JTB: variants seen among roughly 807,000 people sequenced by gnomAD.
The protein encoded by JTB is jumping translocation breakpoint, also known as protein JTB.
A neutral mutation model predicts 22.1 loss-of-function variants in JTB; 10 were observed. The observed-to-expected ratio is 0.45, with a 90% CI of 0.28 to 0.77. JTB has a LOEUF of 0.77. JTB is among the 30% of genes least tolerant of loss of function. JTB has a pLI of 0.13. For missense variants in JTB, 137 were observed against 180.3 expected (o/e 0.76, Z 1.38); for synonymous variants, 83 against 66.8 (o/e 1.24, Z -1.18).
chr1:153,976,553 T>A, intron 3 of JTB, 140 bp downstream of exon 3: 1 of 703,320 alleles, frequency 1.4e-6, no homozygotes, highest in Non-Finnish European at 2.4e-6. Flanking sequence ...CAAGTACAGA[T>A]TTGGACATAC....
chr1:153,977,320 G>A lies in JTB; in HGVS notation c.-68C>T, dbSNP rs1648826211. On this transcript the variant is annotated 5_prime_UTR_variant, in exon 1 of 5. Transcript: ENST00000271843. ...CCACAGGCCTCGTGCCTCCGTCGGA[G>A]CGCAGAGGCGGCACTTACTCTGCAG... The A allele has an allele frequency of 1.3e-6, 2 of 1,584,336 alleles. No individual in the cohort carries two copies. The highest frequency in any genetic ancestry group is 2.7e-5 in the African/African-American group (2 of 74,082).
chr1:153,975,571 C>G (rs1223144995), intron 4 of JTB, among the ~76,000 whole-genome samples: 1 of 151,900 alleles, frequency 6.6e-6, no homozygotes, highest in East Asian at 1.9e-4. Flanking sequence ...TTATGGGCAC[C>G]CACCACACCA....
intron 4 of JTB, among the ~76,000 whole-genome samples, chr1:153,975,354 C>T (rs539706719): frequency 1.3e-5 from 2 of 151,324 alleles, no homozygotes; most frequent in Admixed American, 6.6e-5. Flanking sequence ...CTCCTAACCT[C>T]GTGATCCACC....
At position 153,974,757 on chromosome 1, in the gene JTB, A is replaced by G. The variant is rs1454070775; in HGVS notation, c.363T>C (p.Ala121=). The G allele has an allele frequency of 6.2e-7, 1 of 1,613,822 alleles. No individual in the cohort carries two copies. The highest frequency in any genetic ancestry group is 8.5e-7 in the Non-Finnish European group (1 of 1,179,826). The change falls in exon 5 of 5, where the codon GCT becomes GCC. Residue 121 remains alanine (A), a synonymous_variant. Transcript: ENST00000271843. ...GTCGCTGACGAATGATGACAAGACA[A>G]GCGAAGATCAGGGCCACACACACGA... The part of the protein sequence containing the change: ...GAVVCVALIF[A]CLVIIRQRQL...
chr1:153,975,270 G>A (rs781391346), intron 4 of JTB, among the ~76,000 whole-genome samples: 10 of 150,482 alleles, frequency 6.6e-5, no homozygotes, highest in Admixed American at 6.6e-5. Flanking sequence ...ACAGGTGCCC[G>A]CCATCATGCC....
chr1:153,976,579 A>T (rs1481993914), intron 3 of JTB, 114 bp downstream of exon 3: 2 of 872,192 alleles, frequency 2.3e-6, no homozygotes, highest in Non-Finnish European at 3.7e-6. Flanking sequence ...GACTGCAAGA[A>T]GAAAGAAAAA....
intron 3 of JTB, among the ~76,000 whole-genome samples, chr1:153,976,195 G>A (rs867361126): frequency 3.3e-5 from 5 of 152,238 alleles, no homozygotes; most frequent in African/African-American, 4.8e-5. Context: ...CGGGTGTGGC[G>A]GCTCACGCCT....
chr1:153,976,400 G>C (rs925366608), intron 3 of JTB, among the ~76,000 whole-genome samples: 1 of 152,188 alleles, frequency 6.6e-6, no homozygotes, highest in Non-Finnish European at 1.5e-5. Flanking sequence ...GGCGGAGGTT[G>C]TGGTGAGCCG....
Position 153,977,283 on chromosome 1 carries a change from G to A in JTB, c.-31C>T. ...GCCAAGTGTCGCACCTGTCGGAACA[G>A]AGGGACCTACTCCACAGGCCTCGTG... On this transcript the variant is annotated 5_prime_UTR_variant, in exon 1 of 5. Transcript: ENST00000271843. 6.2e-7 allele frequency: 1 copy of A among 1,612,314 alleles called. No homozygotes were observed. The highest frequency in any genetic ancestry group is 8.5e-7 in the Non-Finnish European group (1 of 1,179,356).
At position 153,974,792 on chromosome 1, in the gene JTB, C is replaced by T. The variant is rs747839326; in HGVS notation, c.328G>A (p.Glu110Lys). The T allele has an allele frequency of 3.1e-6, 5 of 1,611,856 alleles. No individual in the cohort carries two copies. Among genetic ancestry groups the T allele is most frequent in the Non-Finnish European group, 4.2e-6 (5 of 1,178,162 alleles). ...AGGGCCACACACACGACAGCCCCTT[C>T]GAACTTCCAAAATAAGCGTTGTTCC... is the stretch of plus-strand genomic sequence containing the variant. ...LMEQRLFWKF[E>K]GAVVCVALIF... Residue 110 changes from glutamate (E) to lysine (K), a missense_variant, in exon 5 of 5, where the codon GAA (glutamate) becomes AAA (lysine). Coordinates refer to ENST00000271843, the MANE Select transcript of JTB (RefSeq NM_006694.4).
In JTB at chr1:153,977,401, G is replaced by C. The variant is rs1049451225; in HGVS notation, c.-149C>G. 23 of 1,432,964 alleles carry C rather than the reference G, an allele frequency of 1.6e-5. No individual in the cohort carries two copies. The highest frequency in any genetic ancestry group is 5.7e-5 in the African/African-American group (4 of 69,706). 88.8% of individuals were successfully genotyped at this position (1,432,964 alleles called of 1,614,324 possible). A position where few individuals can be genotyped will look rare whatever the true frequency, so the allele number is the denominator to read the frequency against. On this transcript the variant is annotated 5_prime_UTR_variant, in exon 1 of 5. Coordinates refer to ENST00000271843, the MANE Select transcript of JTB (RefSeq NM_006694.4). ...AAGGCCGGAGTTGCCTATTGGAGCA[G>C]AGGATCTATCAGGACGTCCCCGTTG...
chr1:153,977,460 C>T lies in JTB; in HGVS notation c.-208G>A, dbSNP rs1245992436. ...AGAAAAATCGATATGTTTTTGCGGGCTAGGGAGGCGAGCGCCTTCTGCGGG... is the reference window on the plus strand; with the variant it reads ...AGAAAAATCGATATGTTTTTGCGGGTTAGGGAGGCGAGCGCCTTCTGCGGG... On this transcript the variant is annotated 5_prime_UTR_variant, in exon 1 of 5. Transcript: ENST00000271843. The T allele has an allele frequency of 7.6e-7, 1 of 1,323,452 alleles. No homozygotes were observed. The highest frequency in any genetic ancestry group is 9.6e-7 in the Non-Finnish European group (1 of 1,037,024). The allele number at this position is 1,323,452 out of a possible 1,614,324, so 82.0% of individuals were successfully genotyped here.
At position 153,977,316 on chromosome 1, in the gene JTB, C is replaced by A; in HGVS notation, c.-64G>T. On this transcript the variant is annotated 5_prime_UTR_variant, in exon 1 of 5. Transcript: ENST00000271843. ...TACTCCACAGGCCTCGTGCCTCCGT[C>A]GGAGCGCAGAGGCGGCACTTACTCT... 1.3e-6 allele frequency: 2 copies of A among 1,589,240 alleles called. No individual in the cohort carries two copies. The highest frequency in any genetic ancestry group is 1.7e-6 in the Non-Finnish European group (2 of 1,168,282).
At position 153,974,735 on chromosome 1, in the gene JTB, G is replaced by A. The variant is rs762302002; in HGVS notation, c.385C>T (p.Arg129Ter). The change falls in exon 5 of 5, where the codon CGA (arginine) becomes TGA (stop). Residue 129 changes from arginine to a stop codon, truncating the protein, a stop_gained. Transcript: ENST00000271843. LOFTEE classifies it high-confidence loss of function. ...IFACLVIIRQ[R>*]QLDRKALEKV... is the part of the protein sequence containing the mutation. The stretch of plus-strand genomic sequence containing the variant: ...TCCAGAGCCTTTCTGTCCAATTGTC[G>A]CTGACGAATGATGACAAGACAAGCG... 7 of 1,613,702 alleles carry A rather than the reference G, an allele frequency of 4.3e-6. No individual in the cohort carries two copies. The highest frequency in any genetic ancestry group is 2.2e-5 in the South Asian group (2 of 91,062).
Position 153,974,514 on chromosome 1 carries a change from C to A in JTB, c.*165G>T. The A allele has an allele frequency of 1.8e-6, 1 of 556,184 alleles. No homozygotes were observed. The highest frequency in any genetic ancestry group is 3.0e-6 in the Non-Finnish European group (1 of 329,736). 34.5% of individuals were successfully genotyped at this position (556,184 alleles called of 1,614,324 possible). ...TCCAAGTTACAGAAGGGAAGGAAAC[C>A]ATTTTACTCTTTTTATTCTGCTCAT... is the stretch of plus-strand genomic sequence containing the variant. On this transcript the variant is annotated 3_prime_UTR_variant, in exon 5 of 5. Coordinates refer to ENST00000271843, the MANE Select transcript of JTB (RefSeq NM_006694.4).
At position 153,977,500 on chromosome 1, in the gene JTB, G is replaced by A. The variant is rs1207947662; in HGVS notation, c.-248C>T. 14 of 1,221,720 alleles carry A rather than the reference G, an allele frequency of 1.1e-5. No homozygotes were observed. The highest frequency in any genetic ancestry group is 1.4e-5 in the Non-Finnish European group (14 of 975,276). The allele number at this position is 1,221,720 out of a possible 1,614,324, so 75.7% of individuals were successfully genotyped here. On this transcript the variant is annotated 5_prime_UTR_variant, in exon 1 of 5. Coordinates refer to ENST00000271843, the MANE Select transcript of JTB (RefSeq NM_006694.4). ...CCTTCTGCGGGGTCCGCAGGGCGCT[G>A]GAGGAAGGGCCGGCGGGGGCTCGCG...
At position 153,977,430 on chromosome 1, in the gene JTB, C is replaced by T; in HGVS notation, c.-178G>A. ...ATCTATCAGGACGTCCCCGTTGCCA[C>T]AGCGAGAAAAATCGATATGTTTTTG... On this transcript the variant is annotated 5_prime_UTR_variant, in exon 1 of 5. It adds an upstream start codon to the 5' untranslated region. Transcript: ENST00000271843. The T allele has an allele frequency of 7.3e-7, 1 of 1,378,880 alleles. No individual in the cohort carries two copies. Among genetic ancestry groups the T allele is most frequent in the South Asian group, 1.8e-5 (1 of 56,888 alleles). 85.4% of individuals were successfully genotyped at this position (1,378,880 alleles called of 1,614,324 possible).
chr1:153,977,035 G>A, intron 1 of JTB, 22 bp from the exon 2 acceptor site: 1 of 1,614,124 alleles, frequency 6.2e-7, no homozygotes, highest in South Asian at 1.1e-5. Flanking sequence ...TTGGGGGAAG[G>A]GACAAAAGTC....
chr1:153,975,733 A>G lies in JTB; in HGVS notation c.284+93T>C, dbSNP rs1314831510. The G allele has an allele frequency of 3.0e-6, 3 of 996,978 alleles. No homozygotes were observed. The Admixed American group carries it at 5.8e-5, about 19-fold the overall frequency. 61.8% of individuals were successfully genotyped at this position (996,978 alleles called of 1,614,324 possible). A position where few individuals can be genotyped will look rare whatever the true frequency, so the allele number is the denominator to read the frequency against. The stretch of plus-strand genomic sequence containing the variant: ...GGCCCCCTCTTCTTTCAGATATTCC[A>G]TGCTACCCCCAGACCAGGGGAAAAG... On this transcript the variant is annotated intron_variant, in intron 4 of 4. Coordinates refer to ENST00000271843, the MANE Select transcript of JTB (RefSeq NM_006694.4).
Sources: allele counts gnomAD v4.1 joint callset (sites outside exome capture counted in the v4.1 genomes callset), GRCh38; gene constraint gnomAD v4.1.1; transcripts MANE v1.5; gene names NCBI Gene and HGNC (gene_info 2026-07-23, HGNC 2026-07-21).